KLK13: variants seen among roughly 807,000 people sequenced by gnomAD.
KLK13 encodes the protein kallikrein related peptidase 13.
KLK13 carries 19 observed loss-of-function variants against 22.4 expected under a neutral mutation model. That is an observed-to-expected ratio of 0.85 (90% CI 0.59 to 1.24). The LOEUF is 1.24. KLK13 is among the 50% of genes most tolerant of loss of function. The probability of loss-of-function intolerance (pLI) is 0.00; values close to 1 mark genes in which losing one functional copy is unlikely to be tolerated. For synonymous variants in KLK13, 156 were observed against 141.8 expected, an observed-to-expected ratio of 1.10 and a Z score of -0.71; for missense variants, 311 against 347.9, an observed-to-expected ratio of 0.89 and a Z score of 0.84.
At chr19:51,062,601 G>A (rs1345549968) in intron 1 of KLK13, among the ~76,000 whole-genome samples, 1 of 152,162 alleles carries the variant, frequency 6.6e-6, no homozygotes, top group African/African-American at 2.4e-5. Flanking sequence ...GGCATTGAAA[G>A]CACAGCAGGG....
rs2091676228 is a variant in KLK13, at chr19:51,056,502, C to A, written c.*85G>T. On this transcript the variant is annotated 3_prime_UTR_variant, in exon 5 of 5. Transcript: ENST00000595793. ...ATGGATCACTGGTTCAAATGGAACA[C>A]TGGGAATAAGGAGCAGAGAAGGGCT... The A allele has an allele frequency of 1.5e-6, 2 of 1,322,436 alleles. No individual in the cohort carries two copies. The highest frequency in any genetic ancestry group is 2.1e-6 in the Non-Finnish European group (2 of 935,962). 81.9% of individuals were successfully genotyped at this position (1,322,436 alleles called of 1,614,324 possible).
At chr19:51,058,705 T>C (rs1292492532) in intron 3 of KLK13, 31 bp from the exon 4 acceptor site, 29 of 1,612,820 alleles carry the variant, frequency 1.8e-5, no homozygotes, top group Non-Finnish European at 2.4e-5. Flanking sequence ...GTCTAAGGTA[T>C]CCGACCTGGA....
Position 51,056,237 on chromosome 19 carries a change from T to C in KLK13, c.*350A>G, listed in dbSNP as rs1464752251. On this transcript the variant is annotated 3_prime_UTR_variant, in exon 5 of 5. Coordinates refer to ENST00000595793, the MANE Select transcript of KLK13 (RefSeq NM_015596.3). ...GGATGGTCCATTTATAGGACATATA[T>C]TGTTGAGATGGGCTGATGGAAATAT... 3.9e-6 allele frequency: 1 copy of C among 255,518 alleles called. No homozygotes were observed. The highest frequency in any genetic ancestry group is 7.5e-6 in the Non-Finnish European group (1 of 132,536). 15.8% of individuals were successfully genotyped at this position (255,518 alleles called of 1,614,324 possible). A position where few individuals can be genotyped will look rare whatever the true frequency, so the allele number is the denominator to read the frequency against.
rs974434949 is a variant in KLK13 at position 51,055,965 on chromosome 19, G to A, written c.*622C>T. ...GTGGGGTATTGGAAGAATGTGGGAT[G>A]TAGGTTGGGTTGGGACTTCTGAGAC... On this transcript the variant is annotated 3_prime_UTR_variant, in exon 5 of 5. Coordinates refer to ENST00000595793, the MANE Select transcript of KLK13 (RefSeq NM_015596.3). Among the ~76,000 whole-genome samples, 5 of 152,222 alleles carry A rather than the reference G, an allele frequency of 3.3e-5. No individual in the cohort carries two copies. The highest frequency in any genetic ancestry group is 7.2e-5 in the African/African-American group (3 of 41,464).
intron 2 of KLK13, 99 bp downstream of exon 2, chr19:51,060,334 A>T: frequency 7.6e-7 from 1 of 1,312,360 alleles, no homozygotes; most frequent in African/African-American, 1.5e-5. Context: ...GTCCATCCCC[A>T]ACCCTAACTC....
At chr19:51,059,569 A>G (rs1353711724) in intron 3 of KLK13, 4 of 200,876 alleles carry the variant, frequency 2.0e-5, no homozygotes, top group African/African-American at 9.5e-5. Flanking sequence ...ATAATACATA[A>G]TATACATCAT....
intron 1 of KLK13, among the ~76,000 whole-genome samples, chr19:51,062,714 A>G (rs996088442): frequency 8.0e-6 from 1 of 125,402 alleles, no homozygotes; most frequent in Admixed American, 7.6e-5. Context: ...TGTCAAGTAG[A>G]AAAAGTAATA....
chr19:51,057,755 G>A (rs1434292267), intron 4 of KLK13, among the ~76,000 whole-genome samples: 2 of 152,214 alleles, frequency 1.3e-5, no homozygotes, highest in Non-Finnish European at 2.9e-5. Context: ...GGGATTACAG[G>A]CATGAACTAC....
At chr19:51,058,427 T>C in intron 4 of KLK13, 111 bp downstream of exon 4, 2 of 1,290,048 alleles carry the variant, frequency 1.6e-6, no homozygotes, top group South Asian at 1.3e-5. Flanking sequence ...CATTGTATCT[T>C]ATAAAGATTG....
At position 51,059,931 on chromosome 19, in the gene KLK13, G is replaced by C; in HGVS notation, c.402C>G (p.Val134=). The C allele has an allele frequency of 1.2e-6, 2 of 1,611,936 alleles. No individual in the cohort carries two copies. Among genetic ancestry groups the C allele is most frequent in the Non-Finnish European group, 1.7e-6 (2 of 1,178,848 alleles). ...GGGTTTGGATGTAGCCTGTGAGCTG[G>C]ACCGGGGACTGCAGCTCCAGAAGCA... ...DIMLLELQSP[V]QLTGYIQTLP... is the part of the protein sequence containing the mutation. The change falls in exon 3 of 5, where the codon GTC becomes GTG. Residue 134 remains valine (V), a synonymous_variant. Coordinates refer to ENST00000595793, the MANE Select transcript of KLK13 (RefSeq NM_015596.3).
In KLK13 at chr19:51,055,886, C is replaced by T. The variant is rs1298290584; in HGVS notation, c.*701G>A. On this transcript the variant is annotated 3_prime_UTR_variant, in exon 5 of 5. Coordinates refer to ENST00000595793, the MANE Select transcript of KLK13 (RefSeq NM_015596.3). ...AGAAGACCCTTTGGTATACTGAACCCTATAACTCTAGAGACTAGGGTGCCA... is the reference window on the plus strand; with the variant it reads ...AGAAGACCCTTTGGTATACTGAACCTTATAACTCTAGAGACTAGGGTGCCA... Among the ~76,000 whole-genome samples the T allele has an allele frequency of 6.6e-6, 1 of 152,102 alleles. No homozygotes were observed. The highest frequency in any genetic ancestry group is 1.5e-5 in the Non-Finnish European group (1 of 68,026).
Position 51,056,329 on chromosome 19 carries a change from G to A in KLK13, c.*258C>T, listed in dbSNP as rs1380869774. The A allele has an allele frequency of 1.7e-5, 8 of 459,328 alleles. No homozygotes were observed. The East Asian group carries it at 1.9e-4, about 11-fold the overall frequency. The allele number at this position is 459,328 out of a possible 1,614,324, so 28.5% of individuals were successfully genotyped here. The stretch of plus-strand genomic sequence containing the variant: ...GGCTCATAGAAGCCACACTGATGAA[G>A]TTGAGAGACCTGGGCCATTGTCTGG... On this transcript the variant is annotated 3_prime_UTR_variant, in exon 5 of 5. Transcript: ENST00000595793.
intron 1 of KLK13, 77 bp downstream of exon 1, chr19:51,064,938 GC>G (rs1423234854): frequency 2.8e-5 from 32 of 1,133,684 alleles, no homozygotes; most frequent in Admixed American, 8.4e-5. Flanking sequence ...CGGCTCCCAC[GC>G]CCCCTCCCCC....
chr19:51,058,483 C>T (rs2091695507), intron 4 of KLK13, 55 bp downstream of exon 4: 2 of 1,606,558 alleles, frequency 1.2e-6, no homozygotes, highest in Admixed American at 3.4e-5. Flanking sequence ...GCATCTGTCA[C>T]TTCCATTCTG....
At chr19:51,065,587 TC>T (rs2091774976), upstream of KLK13, among the ~76,000 whole-genome samples, 1 of 151,354 alleles carries the variant, frequency 6.6e-6, no homozygotes, top group Non-Finnish European at 1.5e-5. Flanking sequence ...CCCTCTTCTC[TC>T]CCCTCCCTGC....
intron 4 of KLK13, among the ~76,000 whole-genome samples, chr19:51,058,268 G>T (rs2091693736): frequency 6.6e-6 from 1 of 152,194 alleles, no homozygotes; most frequent in African/African-American, 2.4e-5. Context: ...TGAGTTGGTT[G>T]TCTATCACTC....
chr19:51,062,489 T>C (rs2091739391), intron 1 of KLK13, among the ~76,000 whole-genome samples: 1 of 152,218 alleles, frequency 6.6e-6, no homozygotes, highest in Non-Finnish European at 1.5e-5. Flanking sequence ...AACAGGCACC[T>C]TAACTGCTTT....
intron 1 of KLK13, among the ~76,000 whole-genome samples, chr19:51,061,459 C>T (rs1368230004): frequency 6.6e-6 from 1 of 152,238 alleles, no homozygotes; most frequent in Non-Finnish European, 1.5e-5. Context: ...GTATTCCCAA[C>T]TTGATTCTTC....
At position 51,065,042 on chromosome 19, in the gene KLK13, G is replaced by A. The variant is rs2091769324; in HGVS notation, c.26C>T (p.Ala9Val). The A allele has an allele frequency of 8.4e-6, 13 of 1,549,304 alleles. No homozygotes were observed. In the South Asian group the frequency reaches 1.5e-4, roughly 18 times the overall value. Reference protein sequence around the residue: MWPLALVIASLTLALSGGV... With the variant: MWPLALVIVSLTLALSGGV... ...TCCTGACAAGGCCAAGGTCAGGGAG[G>A]CGATCACTAGGGCCAGGGGCCACAT... is the stretch of plus-strand genomic sequence containing the variant. The change falls in exon 1 of 5, where the codon GCC becomes GTC. Residue 9 changes from alanine (A) to valine (V), a missense_variant. Coordinates refer to ENST00000595793, the MANE Select transcript of KLK13 (RefSeq NM_015596.3).
Sources: allele counts gnomAD v4.1 joint callset (sites outside exome capture counted in the v4.1 genomes callset), GRCh38; gene constraint gnomAD v4.1.1; transcripts MANE v1.5; gene names NCBI Gene and HGNC (gene_info 2026-07-23, HGNC 2026-07-21).